EML6: variants seen among roughly 807,000 people sequenced by gnomAD.
The protein encoded by EML6 is echinoderm microtubule-associated protein-like 6.
Under a neutral mutation model 240.1 loss-of-function variants are expected in EML6, and 154 were observed. The observed-to-expected ratio is 0.64, with a 90% CI of 0.56 to 0.73. EML6 has a LOEUF of 0.73. Among genes scored for constraint, EML6 ranks in the 30% least tolerant of loss-of-function variants. EML6 has a pLI of 0.00. For synonymous variants in EML6, 1,148 were observed against 899.0 expected (o/e 1.28, Z -4.95); for missense variants, 2,964 against 2,474.6 (o/e 1.20, Z -4.20).
intron 4 of EML6, among the ~76,000 whole-genome samples, chr2:54,817,750 G>C (rs544679583): frequency 5.9e-5 from 9 of 152,004 alleles, no homozygotes; most frequent in Non-Finnish European, 1.3e-4. Context: ...GCTTCATGTA[G>C]AATGAGGCTC....
intron 5 of EML6, among the ~76,000 whole-genome samples, chr2:54,823,850 T>TTCTCTCTCTCTCTCTCTCTCTTTCTC (rs1668445424): frequency 1.4e-5 from 1 of 72,262 alleles, no homozygotes; most frequent in Non-Finnish European, 2.9e-5. Context: ...CATTCATTCA[T>TTCTCTCTCTCTCTCTCTCTCTTTCTC]TCTCTCTCTC....
intron 2 of EML6, among the ~76,000 whole-genome samples, chr2:54,791,650 T>C (rs1416240394): frequency 6.6e-6 from 1 of 152,184 alleles, no homozygotes; most frequent in Non-Finnish European, 1.5e-5. Flanking sequence ...CTTCTCTCCA[T>C]GGCTCTGGGT....
intron 28 of EML6, among the ~76,000 whole-genome samples, chr2:54,941,460 G>C (rs962658700): frequency 6.6e-6 from 1 of 152,176 alleles, no homozygotes; most frequent in African/African-American, 2.4e-5. Flanking sequence ...GCCGGACAGA[G>C]GCCCTTTGTT....
chr2:54,757,074 C>A (rs1449341295), intron 2 of EML6, among the ~76,000 whole-genome samples: 1 of 150,782 alleles, frequency 6.6e-6, no homozygotes, highest in Admixed American at 6.6e-5. Context: ...CTGAATTTTT[C>A]TTTTTTATAC....
At chr2:54,939,047 G>T (rs191030962) in intron 28 of EML6, among the ~76,000 whole-genome samples, 1 of 152,302 alleles carries the variant, frequency 6.6e-6, no homozygotes. Flanking sequence ...TCTAGAACAT[G>T]CTGGCACTTA....
intron 41 of EML6, among the ~76,000 whole-genome samples, chr2:54,969,073 T>G (rs1224398070): frequency 2.0e-5 from 3 of 152,170 alleles, no homozygotes; most frequent in African/African-American, 7.2e-5. Context: ...ATGGCTGATT[T>G]GAGTAGAAGC....
chr2:54,907,210 T>C (rs564292529), intron 24 of EML6, among the ~76,000 whole-genome samples: 1 of 152,338 alleles, frequency 6.6e-6, no homozygotes, highest in Non-Finnish European at 1.5e-5. Context: ...TAACATCCTT[T>C]ACAAATTAAC....
chr2:54,836,373 G>A (rs1015361084), intron 7 of EML6, among the ~76,000 whole-genome samples: 1 of 152,170 alleles, frequency 6.6e-6, no homozygotes, highest in Non-Finnish European at 1.5e-5. Flanking sequence ...CACAGTTCCC[G>A]TGGCTGTAGA....
At position 54,884,966 on chromosome 2, in the gene EML6, G is replaced by A. The variant is rs548767701; in HGVS notation, c.2438+5326G>A. ...AGGCAGGTGGATCACTTGAGGTCAG[G>A]AGTTGCAGATCAGCCCGGCCCCCGT... On this transcript the variant is annotated intron_variant, in intron 17 of 41. Transcript: ENST00000356458. Among the ~76,000 whole-genome samples the A allele has an allele frequency of 2.0e-5, 3 of 152,214 alleles. No individual in the cohort carries two copies. The South Asian group carries it at 6.2e-4, about 32-fold the overall frequency.
intron 30 of EML6, among the ~76,000 whole-genome samples, chr2:54,951,261 G>A (rs904597060): frequency 2.0e-5 from 3 of 152,194 alleles, no homozygotes; most frequent in Admixed American, 2.0e-4. Flanking sequence ...GGCCCGGCAA[G>A]GTGGCTCATG....
intron 8 of EML6, among the ~76,000 whole-genome samples, chr2:54,847,061 C>T (rs1181227455): frequency 6.6e-6 from 1 of 151,584 alleles, no homozygotes; most frequent in Non-Finnish European, 1.5e-5. Context: ...GCACACACTA[C>T]CACATCCAGC....
chr2:54,835,677 T>C (rs940261901), intron 7 of EML6, among the ~76,000 whole-genome samples: 1 of 152,172 alleles, frequency 6.6e-6, no homozygotes, highest in African/African-American at 2.4e-5. Context: ...AGTACTGCGA[T>C]GGTCAGATAG....
intron 3 of EML6, among the ~76,000 whole-genome samples, chr2:54,814,071 AT>A: frequency 6.6e-6 from 1 of 152,368 alleles, no homozygotes. Flanking sequence ...GTGTGAAAGC[AT>A]TGTTTAAAAC....
chr2:54,727,868 C>G (rs1463644814), intron 2 of EML6, among the ~76,000 whole-genome samples: 2 of 152,200 alleles, frequency 1.3e-5, no homozygotes, highest in African/African-American at 4.8e-5. Flanking sequence ...TGATAACACA[C>G]TCCATTTTAT....
At position 54,967,078 on chromosome 2, in the gene EML6, A is replaced by T. The variant is rs1170336957; in HGVS notation, c.5572A>T (p.Lys1858Ter). 1 of 1,551,436 alleles carries T rather than the reference A, an allele frequency of 6.4e-7. No homozygotes were observed. The highest frequency in any genetic ancestry group is 8.7e-7 in the Non-Finnish European group (1 of 1,146,814). ...KQVTEAVVIE[K>*]ITWASWTSVL... ...GGTAACTGAAGCCGTGGTCATTGAGAAGATCACCTGGGCCTCCTGGACAAG... is the reference window on the plus strand; with the variant it reads ...GGTAACTGAAGCCGTGGTCATTGAGTAGATCACCTGGGCCTCCTGGACAAG... Residue 1858 changes from lysine (K) to a stop codon, truncating the protein, a stop_gained, in exon 39 of 42, where the codon AAG (lysine) becomes TAG (stop). Coordinates refer to ENST00000356458, the MANE Select transcript of EML6 (RefSeq NM_001039753.4). LOFTEE classifies it high-confidence loss of function.
intron 28 of EML6, among the ~76,000 whole-genome samples, chr2:54,933,112 G>T (rs1427284358): frequency 2.0e-5 from 3 of 152,102 alleles, no homozygotes; most frequent in Non-Finnish European, 4.4e-5. Flanking sequence ...AATGGCTGCA[G>T]AACTTATAGT....
chr2:54,914,812 G>C (rs987203461), intron 25 of EML6, among the ~76,000 whole-genome samples: 1 of 151,882 alleles, frequency 6.6e-6, no homozygotes, highest in African/African-American at 2.4e-5. Context: ...AACAATCATG[G>C]TAAACTAATA....
intron 40 of EML6, 25 bp downstream of exon 40, chr2:54,968,306 C>T (rs1310729752): frequency 2.6e-6 from 4 of 1,550,798 alleles, no homozygotes; most frequent in Admixed American, 3.9e-5. Context: ...GAGTAACCTC[C>T]CTGCAGGTTC....
chr2:54,829,548 G>A (rs1248395648), intron 7 of EML6, 71 bp downstream of exon 7: 1 of 1,272,716 alleles, frequency 7.9e-7, no homozygotes. Context: ...ATTCATATTT[G>A]TTTCTCTGTA....
Sources: gnomAD v4.1 joint callset for allele counts (sites outside exome capture counted in the v4.1 genomes callset) on GRCh38, gnomAD v4.1.1 for gene constraint, MANE v1.5 for transcripts, NCBI Gene and HGNC (gene_info 2026-07-23, HGNC 2026-07-21) for gene names.